The following ZMAT4 variants were observed in gnomAD, a reference collection of about 807,000 sequenced individuals.
ZMAT4 encodes zinc finger matrin-type 4.
In ZMAT4, 17 loss-of-function variants were observed where a neutral mutation model predicts 28.7. The observed-to-expected ratio is 0.59, with a 90% confidence interval of 0.41 to 0.89. ZMAT4 has a LOEUF of 0.89. Among genes scored for constraint, ZMAT4 ranks in the 40% least tolerant of loss-of-function variants. The probability of loss-of-function intolerance (pLI) is 0.00; values close to 1 mark genes in which losing one functional copy is unlikely to be tolerated. For synonymous variants in ZMAT4, 117 were observed against 109.2 expected, an observed-to-expected ratio of 1.07 and a Z score of -0.44; for missense variants, 240 against 283.8, an observed-to-expected ratio of 0.85 and a Z score of 1.11.
At chr8:40,699,596 G>GCACACACA (rs10681965) in intron 3 of ZMAT4, among the ~76,000 whole-genome samples, 42,578 of 149,480 alleles carry the variant, frequency 0.28, 6,156 homozygotes, top group Non-Finnish European at 0.32. Flanking sequence ...AAATGTAAAT[G>GCACACACA]CACACACACA....
Position 40,865,837 on chromosome 8 carries a change from A to G in ZMAT4, c.-5+31846T>C, listed in dbSNP as rs963984736. ...AGGGACATTCTTTCTTCCCCCCGCC[A>G]TTTGCTAAACAGCAATCTGATCGTC... is the stretch of plus-strand genomic sequence containing the variant. On this transcript the variant is annotated intron_variant, in intron 1 of 6. Coordinates refer to ENST00000297737, the MANE Select transcript of ZMAT4 (RefSeq NM_024645.3). Among the ~76,000 whole-genome samples the G allele has an allele frequency of 5.3e-5, 8 of 152,306 alleles. No individual in the cohort carries two copies. The East Asian group carries it at 1.4e-3, about 26-fold the overall frequency.
At chr8:40,561,874 A>G (rs954235003) in intron 6 of ZMAT4, among the ~76,000 whole-genome samples, 1 of 152,152 alleles carries the variant, frequency 6.6e-6, no homozygotes, top group African/African-American at 2.4e-5. Context: ...GGGAAGCTAA[A>G]AGATTGGACA....
chr8:40,724,567 A>G (rs1811243800), intron 3 of ZMAT4, among the ~76,000 whole-genome samples: 1 of 152,236 alleles, frequency 6.6e-6, no homozygotes, highest in Non-Finnish European at 1.5e-5. Flanking sequence ...ACAATGATGA[A>G]TAATTCCAAT....
intron 1 of ZMAT4, among the ~76,000 whole-genome samples, chr8:40,885,549 G>A (rs1384069587): frequency 6.6e-6 from 1 of 152,100 alleles, no homozygotes; most frequent in Non-Finnish European, 1.5e-5. Context: ...ATTTTAAGAC[G>A]AGTCTTGCTC....
intron 2 of ZMAT4, among the ~76,000 whole-genome samples, chr8:40,817,606 C>T (rs1298452222): frequency 6.6e-6 from 1 of 152,180 alleles, no homozygotes; most frequent in Non-Finnish European, 1.5e-5. Flanking sequence ...AGAAATGTCA[C>T]TGTTATCGTC....
intron 3 of ZMAT4, among the ~76,000 whole-genome samples, chr8:40,701,784 C>T (rs1466826766): frequency 1.3e-5 from 2 of 152,064 alleles, no homozygotes; most frequent in Admixed American, 6.5e-5. Context: ...TCCCAAAGTG[C>T]TGGGATTACA....
chr8:40,812,965 T>A lies in ZMAT4; in HGVS notation c.102+12610A>T, dbSNP rs527991053. Among the ~76,000 whole-genome samples the A allele has an allele frequency of 3.1e-3, 456 of 149,212 alleles. 4 individuals carry two copies. The highest frequency in any genetic ancestry group is 6.6e-3 in the African/African-American group (269 of 40,958). On this transcript the variant is annotated intron_variant, in intron 2 of 6. Coordinates refer to ENST00000297737, the MANE Select transcript of ZMAT4 (RefSeq NM_024645.3). Reference sequence around the variant, plus strand: ...TAAATTAAATTAAATTAAATTAAATTAAATTAAATTAAATTAAATTAAAAA... The same window carrying A: ...TAAATTAAATTAAATTAAATTAAATAAAATTAAATTAAATTAAATTAAAAA...
At chr8:40,699,213 G>A (rs1810024086) in intron 3 of ZMAT4, among the ~76,000 whole-genome samples, 1 of 152,038 alleles carries the variant, frequency 6.6e-6, no homozygotes, top group African/African-American at 2.4e-5. Context: ...TTCCTGAAGG[G>A]TTCCAGCCCA....
chr8:40,658,263 C>T (rs1158963727), intron 5 of ZMAT4, among the ~76,000 whole-genome samples: 1 of 152,146 alleles, frequency 6.6e-6, no homozygotes, highest in Non-Finnish European at 1.5e-5. Flanking sequence ...TGCTTGTTCT[C>T]TTGAGCATGA....
At chr8:40,850,999 T>C (rs891241192) in intron 1 of ZMAT4, among the ~76,000 whole-genome samples, 1 of 152,190 alleles carries the variant, frequency 6.6e-6, no homozygotes, top group African/African-American at 2.4e-5. Flanking sequence ...AATAAACCAT[T>C]ACATGTTAAT....
At chr8:40,651,724 C>A (rs1374620327) in intron 5 of ZMAT4, among the ~76,000 whole-genome samples, 2 of 151,738 alleles carry the variant, frequency 1.3e-5, no homozygotes, top group Non-Finnish European at 2.9e-5. Context: ...GTACTGGTAC[C>A]AAAACAGAGA....
intron 6 of ZMAT4, among the ~76,000 whole-genome samples, chr8:40,553,629 A>G (rs2118432071): frequency 6.6e-6 from 1 of 152,252 alleles, no homozygotes; most frequent in East Asian, 1.9e-4. Context: ...CCTTACAATA[A>G]TTCCACTGGA....
At chr8:40,786,506 G>A (rs1327806544) in intron 2 of ZMAT4, among the ~76,000 whole-genome samples, 3 of 152,086 alleles carry the variant, frequency 2.0e-5, no homozygotes, top group African/African-American at 7.2e-5. Flanking sequence ...ACACAAACAA[G>A]GGTCAAAATA....
rs910220678 is a variant in ZMAT4 at position 40,635,349 on chromosome 8, T to C, written c.577+39355A>G. On this transcript the variant is annotated intron_variant, in intron 5 of 6. Coordinates refer to ENST00000297737, the MANE Select transcript of ZMAT4 (RefSeq NM_024645.3). The stretch of plus-strand genomic sequence containing the variant: ...GTTACCTTTTATCTGCCTCTCTGCC[T>C]CTCATTCTCTCCCTAACAATCCCCT... Among the ~76,000 whole-genome samples the C allele has an allele frequency of 5.3e-5, 8 of 152,236 alleles. 1 individual carries two copies. The highest frequency in any genetic ancestry group is 3.3e-4 in the Admixed American group (5 of 15,280).
At chr8:40,694,549 T>A (rs1809791569) in intron 4 of ZMAT4, among the ~76,000 whole-genome samples, 1 of 152,164 alleles carries the variant, frequency 6.6e-6, no homozygotes, top group Non-Finnish European at 1.5e-5. Flanking sequence ...GCATGCTCCC[T>A]GGGCCCAGAG....
chr8:40,679,389 T>C (rs1307436770), intron 4 of ZMAT4, among the ~76,000 whole-genome samples: 1 of 152,148 alleles, frequency 6.6e-6, no homozygotes, highest in African/African-American at 2.4e-5. Flanking sequence ...AAGACATACC[T>C]GAGACTGGGT....
chr8:40,730,907 G>T (rs1369911099), intron 3 of ZMAT4, among the ~76,000 whole-genome samples: 1 of 152,150 alleles, frequency 6.6e-6, no homozygotes, highest in Non-Finnish European at 1.5e-5. Flanking sequence ...ACAGTAAACT[G>T]CAGTGAATTT....
At chr8:40,706,338 G>A (rs1810350230) in intron 3 of ZMAT4, among the ~76,000 whole-genome samples, 1 of 152,184 alleles carries the variant, frequency 6.6e-6, no homozygotes, top group African/African-American at 2.4e-5. Context: ...ACAGGCGTGA[G>A]CCACTGCGCC....
chr8:40,628,833 A>G (rs1806467944), intron 5 of ZMAT4, among the ~76,000 whole-genome samples: 1 of 152,168 alleles, frequency 6.6e-6, no homozygotes, highest in South Asian at 2.1e-4. Context: ...AGTATCCACT[A>G]GAGAAAAATG....
Sources: gnomAD v4.1 joint callset for allele counts (sites outside exome capture counted in the v4.1 genomes callset) on GRCh38, gnomAD v4.1.1 for gene constraint, MANE v1.5 for transcripts, NCBI Gene and HGNC (gene_info 2026-07-23, HGNC 2026-07-21) for gene names.